Variants in ZNF286A observed in about 807,000 individuals in gnomAD.
ZNF286A encodes the protein zinc finger protein ZNF286.
Under a neutral mutation model 49.3 loss-of-function variants are expected in ZNF286A, and 34 were observed. The observed-to-expected ratio is 0.69, with a 90% CI of 0.52 to 0.92. ZNF286A has a LOEUF of 0.92. Ranked by LOEUF, ZNF286A falls within the 40% of genes least tolerant of loss-of-function variation. ZNF286A has a pLI of 0.00. For synonymous variants in ZNF286A, 155 were observed against 200.4 expected, an observed-to-expected ratio of 0.77 and a Z score of 1.91; for missense variants, 462 against 600.2, an observed-to-expected ratio of 0.77 and a Z score of 2.41.
At chr17:15,704,914 C>G in intron 3 of ZNF286A, 1 of 1,580,316 alleles carries the variant, frequency 6.3e-7, no homozygotes, top group Non-Finnish European at 8.6e-7. Flanking sequence ...TGCGGCCGGC[C>G]GGGGGCGGGT....
In ZNF286A at chr17:15,718,823, A is replaced by G. The variant is rs1205581575; in HGVS notation, c.*1533A>G. ...AAAGGTTTAATTGGCTCATGGTTCC[A>G]TGGGCTGTACAGGAAGTATGACTGG... On this transcript the variant is annotated 3_prime_UTR_variant, in exon 6 of 6. Coordinates refer to ENST00000583566, the MANE Select transcript of ZNF286A (RefSeq NM_001130842.2). 6.9e-6 allele frequency: 1 copy of G among 145,802 alleles called. No individual in the cohort carries two copies. The highest frequency in any genetic ancestry group is 1.5e-5 in the Non-Finnish European group (1 of 67,032). 9.0% of individuals were successfully genotyped at this position (145,802 alleles called of 1,614,324 possible).
rs761843981 is a variant in ZNF286A, at chr17:15,716,542, G to T, written c.818G>T (p.Cys273Phe). Residue 273 changes from cysteine to phenylalanine, a missense_variant, in exon 6 of 6, where the codon TGC becomes TTC. Around this residue, in one of 3 missense-constraint regions of ZNF286A, gnomAD observed 201 missense variants for 311.3 expected, o/e 0.65. Coordinates refer to ENST00000583566, the MANE Select transcript of ZNF286A (RefSeq NM_001130842.2). ...RVHTGEKPYT[C>F]NECGKSFSHR... ...CATACTGGAGAGAAACCCTATACCTGCAATGAATGTGGGAAATCTTTTAGC... is the reference window on the plus strand; with the variant it reads ...CATACTGGAGAGAAACCCTATACCTTCAATGAATGTGGGAAATCTTTTAGC... The T allele has an allele frequency of 6.2e-6, 10 of 1,614,042 alleles. No homozygotes were observed. Among genetic ancestry groups the T allele is most frequent in the East Asian group, 2.2e-5 (1 of 44,864 alleles).
At chr17:15,703,149 G>A (rs537785982) in intron 3 of ZNF286A, among the ~76,000 whole-genome samples, 184 of 152,292 alleles carry the variant, frequency 1.2e-3, no homozygotes, top group Non-Finnish European at 2.1e-3. Flanking sequence ...GCGCGTGCAC[G>A]CACAAACATC....
chr17:15,716,660 C>G lies in ZNF286A; in HGVS notation c.936C>G (p.Ser312=). The G allele has an allele frequency of 6.2e-7, 1 of 1,614,026 alleles. No homozygotes were observed. Among genetic ancestry groups the G allele is most frequent in the East Asian group, 2.2e-5 (1 of 44,868 alleles). ...ECKKTFTESS[S]LATHQRIHVG... ...AGAAAACCTTCACAGAAAGCTCATC[C>G]CTTGCAACACATCAGAGAATTCACG... The change falls in exon 6 of 6, where the codon TCC becomes TCG. Residue 312 remains serine (S), a synonymous_variant. Transcript: ENST00000583566.
chr17:15,713,913 A>G (rs1469766198), intron 5 of ZNF286A, among the ~76,000 whole-genome samples: 23 of 152,078 alleles, frequency 1.5e-4, no homozygotes, highest in Non-Finnish European at 4.4e-5. Context: ...ACTGTCTGCC[A>G]GATACCCAAG....
Position 15,720,262 on chromosome 17 carries a change from G to A in ZNF286A, c.*2972G>A, listed in dbSNP as rs1967304760. On this transcript the variant is annotated 3_prime_UTR_variant, in exon 6 of 6. Transcript: ENST00000583566. ...AATAAATATAGAGTCCCCCACTCCT[G>A]CTTGGTGCTCTCTTTCTCTCTCCTT... 1 of 151,566 alleles carries A rather than the reference G, an allele frequency of 6.6e-6. No homozygotes were observed. The highest frequency in any genetic ancestry group is 1.5e-5 in the Non-Finnish European group (1 of 67,892). The allele number at this position is 151,566 out of a possible 1,614,324, so 9.4% of individuals were successfully genotyped here. A position where few individuals can be genotyped will look rare whatever the true frequency, so the allele number is the denominator to read the frequency against.
intron 5 of ZNF286A, chr17:15,709,959 C>G: frequency 6.8e-7 from 1 of 1,481,294 alleles, no homozygotes; most frequent in Non-Finnish European, 9.0e-7. Context: ...AGTTATCAGA[C>G]TTGTTAATTT....
intron 4 of ZNF286A, among the ~76,000 whole-genome samples, chr17:15,707,309 G>A (rs1990307103): frequency 6.6e-6 from 1 of 151,880 alleles, no homozygotes; most frequent in South Asian, 2.1e-4. Context: ...GTGCGGTGGC[G>A]GGCGCCTGTA....
chr17:15,711,847 T>C (rs1990669627), intron 5 of ZNF286A, among the ~76,000 whole-genome samples: 1 of 149,964 alleles, frequency 6.7e-6, no homozygotes, highest in Admixed American at 6.7e-5. Flanking sequence ...AAATTTGCAT[T>C]TATCTGTAAT....
intron 5 of ZNF286A, among the ~76,000 whole-genome samples, chr17:15,714,415 T>C (rs1966919334): frequency 6.6e-6 from 1 of 152,184 alleles, no homozygotes; most frequent in African/African-American, 2.4e-5. Context: ...CTTGAGGATC[T>C]TTACCTCTAC....
chr17:15,700,078 C>A (rs543804503), intron 1 of ZNF286A, 57 bp from the exon 2 acceptor site: 2 of 567,076 alleles, frequency 3.5e-6, no homozygotes, highest in Non-Finnish European at 6.3e-6. Context: ...CAGCTTCAAG[C>A]GGTAGGGACA....
intron 3 of ZNF286A, chr17:15,701,559 C>G: frequency 5.2e-6 from 1 of 192,736 alleles, no homozygotes; most frequent in Non-Finnish European, 1.1e-5. Flanking sequence ...GTACATACCT[C>G]TTAAAACTTG....
chr17:15,717,894 T>G lies in ZNF286A; in HGVS notation c.*604T>G, dbSNP rs1967151265. 1 of 152,258 alleles carries G rather than the reference T, an allele frequency of 6.6e-6. No homozygotes were observed. The highest frequency in any genetic ancestry group is 1.5e-5 in the Non-Finnish European group (1 of 68,610). 9.4% of individuals were successfully genotyped at this position (152,258 alleles called of 1,614,324 possible). ...GGGATGTATAATATTTACAGACAAC[T>G]CTAAGTTACGTTCACATGGATTATG... On this transcript the variant is annotated 3_prime_UTR_variant, in exon 6 of 6. Coordinates refer to ENST00000583566, the MANE Select transcript of ZNF286A (RefSeq NM_001130842.2).
intron 5 of ZNF286A, among the ~76,000 whole-genome samples, chr17:15,710,156 T>C (rs1990545037): frequency 6.6e-6 from 1 of 152,236 alleles, no homozygotes; most frequent in African/African-American, 2.4e-5. Context: ...GAGTTCTTCA[T>C]ATATTTTAGG....
At chr17:15,711,078 A>AT (rs552645244) in intron 5 of ZNF286A, among the ~76,000 whole-genome samples, 8 of 151,136 alleles carry the variant, frequency 5.3e-5, no homozygotes, top group South Asian at 2.1e-4. Context: ...AACCCGGCTA[A>AT]TTTTTTTTTA....
intron 5 of ZNF286A, among the ~76,000 whole-genome samples, chr17:15,712,673 A>AT (rs1189541033): frequency 6.6e-6 from 1 of 152,048 alleles, no homozygotes; most frequent in Non-Finnish European, 1.5e-5. Flanking sequence ...TCCTTCATAT[A>AT]TTTTTTGTTT....
chr17:15,710,796 G>C (rs1990587500), intron 5 of ZNF286A, among the ~76,000 whole-genome samples: 1 of 151,918 alleles, frequency 6.6e-6, no homozygotes, highest in Non-Finnish European at 1.5e-5. Context: ...GGGTATTGCA[G>C]TTTTCATAGT....
At position 15,719,812 on chromosome 17, in the gene ZNF286A, A is replaced by T. The variant is rs1364254496; in HGVS notation, c.*2522A>T. The T allele has an allele frequency of 2.6e-5, 4 of 152,226 alleles. No homozygotes were observed. Among genetic ancestry groups the T allele is most frequent in the African/African-American group, 7.2e-5 (3 of 41,456 alleles). 9.4% of individuals were successfully genotyped at this position (152,226 alleles called of 1,614,324 possible). On this transcript the variant is annotated 3_prime_UTR_variant, in exon 6 of 6. Transcript: ENST00000583566. ...GGCCCCTGTTCCAGAGCATTCATCA[A>T]GTCAGATAAAGGGTTTAAACCAGTC... is the stretch of plus-strand genomic sequence containing the variant.
chr17:15,716,877 C>G lies in ZNF286A; in HGVS notation c.1153C>G (p.Gln385Glu). The G allele has an allele frequency of 1.2e-6, 2 of 1,608,438 alleles. No individual in the cohort carries two copies. ...THTGEKPYKC[Q>E]ECGKAFSHCS... ...TACTGGAGAGAAACCTTATAAATGT[C>G]AAGAATGTGGGAAAGCCTTTAGCCA... Residue 385 changes from glutamine (Q) to glutamate (E), a missense_variant, in exon 6 of 6, where the codon CAA becomes GAA. Gln to Glu is a conservative substitution (Grantham distance 29). This residue lies in a region of ZNF286A where 201 missense variants were observed against 311.3 expected (regional missense o/e 0.65). Coordinates refer to ENST00000583566, the MANE Select transcript of ZNF286A (RefSeq NM_001130842.2).
Sources: allele counts gnomAD v4.1 joint callset (sites outside exome capture counted in the v4.1 genomes callset), GRCh38; gene constraint gnomAD v4.1.1; regional missense constraint gnomAD v4.1.1; transcripts MANE v1.5; gene names NCBI Gene and HGNC (gene_info 2026-07-23, HGNC 2026-07-21).